NOL4: variants seen among roughly 807,000 people sequenced by gnomAD.
NOL4 encodes the protein cancer/testis antigen 125.
A neutral mutation model predicts 75.9 loss-of-function variants in NOL4; 17 were observed. The ratio of observed to expected loss-of-function variants is 0.22; its 90% confidence interval spans 0.15 to 0.34. NOL4 has a LOEUF of 0.34. Ranked by LOEUF, NOL4 falls within the 10% of genes least tolerant of loss-of-function variation. The pLI is 1.00. For missense variants in NOL4, 614 were observed against 793.5 expected, an observed-to-expected ratio of 0.77 and a Z score of 2.72; for synonymous variants, 292 against 289.9, an observed-to-expected ratio of 1.01 and a Z score of -0.07.
chr18:34,179,570 A>G (rs1350561152), intron 1 of NOL4, among the ~76,000 whole-genome samples: 2 of 151,466 alleles, frequency 1.3e-5, no homozygotes, highest in African/African-American at 4.8e-5. Context: ...ATAAGGTGAT[A>G]CTACAAACAG....
At chr18:34,015,735 T>C (rs1204344853) in intron 6 of NOL4, among the ~76,000 whole-genome samples, 1 of 152,066 alleles carries the variant, frequency 6.6e-6, no homozygotes, top group Non-Finnish European at 1.5e-5. Flanking sequence ...GTCCCCCGAA[T>C]GCCTATTAAA....
At chr18:33,939,018 G>A (rs566583476) in intron 9 of NOL4, among the ~76,000 whole-genome samples, 43 of 152,050 alleles carry the variant, frequency 2.8e-4, no homozygotes, top group Admixed American at 5.9e-4. Flanking sequence ...TCCCAACACC[G>A]TTTATTAAAT....
At chr18:34,060,184 A>C (rs960582038) in intron 5 of NOL4, among the ~76,000 whole-genome samples, 3 of 151,968 alleles carry the variant, frequency 2.0e-5, no homozygotes. Flanking sequence ...GAACAGCTTG[A>C]GAGTGAATCT....
At chr18:34,066,893 C>T (rs1291284528) in intron 5 of NOL4, among the ~76,000 whole-genome samples, 2 of 152,022 alleles carry the variant, frequency 1.3e-5, no homozygotes, top group African/African-American at 4.8e-5. Flanking sequence ...TCTTTAGACT[C>T]GTTGGTAATA....
chr18:34,222,061 T>C (rs1244008165), intron 1 of NOL4: 2 of 1,535,448 alleles, frequency 1.3e-6, no homozygotes, highest in Admixed American at 3.9e-5. Flanking sequence ...AGATCTGCCA[T>C]CCTACTTGTA....
chr18:34,010,544 A>G (rs1194243404), intron 6 of NOL4, among the ~76,000 whole-genome samples: 2 of 151,912 alleles, frequency 1.3e-5, no homozygotes, highest in South Asian at 4.1e-4. Context: ...ACGATTTATA[A>G]CTAACCAGAT....
chr18:33,989,190 C>CAAAAAAAA (rs55924436), intron 6 of NOL4, among the ~76,000 whole-genome samples: 1 of 65,086 alleles, frequency 1.5e-5, no homozygotes, highest in African/African-American at 5.8e-5. Flanking sequence ...CCCATCTCTA[C>CAAAAAAAA]AAAAAAAAAA....
chr18:34,133,832 G>A (rs1023683878), intron 1 of NOL4, among the ~76,000 whole-genome samples: 1 of 152,070 alleles, frequency 6.6e-6, no homozygotes, highest in African/African-American at 2.4e-5. Flanking sequence ...GACCCGCCTG[G>A]CCAATATGGT....
intron 1 of NOL4, among the ~76,000 whole-genome samples, chr18:34,146,219 C>T (rs1360329592): frequency 2.6e-5 from 4 of 151,932 alleles, no homozygotes; most frequent in Non-Finnish European, 4.4e-5. Context: ...TGTTTCTCTG[C>T]TTTGTCATTA....
chr18:34,148,464 G>A (rs1216979775), intron 1 of NOL4, among the ~76,000 whole-genome samples: 2 of 151,844 alleles, frequency 1.3e-5, no homozygotes, highest in African/African-American at 4.8e-5. Flanking sequence ...CCTTAATTTC[G>A]TTATTTACCC....
At chr18:34,075,566 T>C (rs1297233755) in intron 5 of NOL4, among the ~76,000 whole-genome samples, 2 of 152,182 alleles carry the variant, frequency 1.3e-5, no homozygotes, top group Non-Finnish European at 2.9e-5. Context: ...TTGGGTTTCA[T>C]ATTTTTGGAT....
chr18:34,005,694 C>T (rs2073993227), intron 6 of NOL4, among the ~76,000 whole-genome samples: 1 of 152,020 alleles, frequency 6.6e-6, no homozygotes, highest in Non-Finnish European at 1.5e-5. Context: ...TCCTCCTGGC[C>T]AAGGCTCACA....
At chr18:34,098,141 T>C (rs770387355) in intron 4 of NOL4, among the ~76,000 whole-genome samples, 1 of 152,134 alleles carries the variant, frequency 6.6e-6, no homozygotes, top group Non-Finnish European at 1.5e-5. Context: ...CTTACATGCA[T>C]GCTGCTCCTT....
At chr18:33,999,086 T>C (rs187777200) in intron 6 of NOL4, among the ~76,000 whole-genome samples, 50 of 152,144 alleles carry the variant, frequency 3.3e-4, no homozygotes, top group Non-Finnish European at 4.3e-4. Flanking sequence ...GATGTCTAAA[T>C]TCAGAGAAGT....
chr18:34,108,747 G>A (rs1367645734), intron 2 of NOL4, among the ~76,000 whole-genome samples: 1 of 152,140 alleles, frequency 6.6e-6, no homozygotes, highest in Non-Finnish European at 1.5e-5. Flanking sequence ...GTTAACAGCA[G>A]AGAACTTCAA....
intron 10 of NOL4, among the ~76,000 whole-genome samples, chr18:33,861,861 T>A (rs896512467): frequency 5.3e-5 from 8 of 152,070 alleles, no homozygotes; most frequent in African/African-American, 1.9e-4. Context: ...AATTTATAGA[T>A]TCAATGCCAT....
At chr18:34,197,551 T>C (rs996860019) in intron 1 of NOL4, among the ~76,000 whole-genome samples, 6 of 152,028 alleles carry the variant, frequency 3.9e-5, no homozygotes, top group African/African-American at 1.4e-4. Context: ...GTTTATCTCA[T>C]GGGAATTACA....
At chr18:34,032,523 G>A (rs2075689557) in intron 5 of NOL4, among the ~76,000 whole-genome samples, 1 of 152,154 alleles carries the variant, frequency 6.6e-6, no homozygotes. Flanking sequence ...TACCCACCCA[G>A]CTACCACCAC....
At chr18:33,909,948 T>A (rs183503916) in intron 9 of NOL4, among the ~76,000 whole-genome samples, 1 of 152,130 alleles carries the variant, frequency 6.6e-6, no homozygotes, top group Non-Finnish European at 1.5e-5. Context: ...GAGAAAAACA[T>A]GTAAACCGAT....
Sources: gnomAD v4.1 joint callset for allele counts (sites outside exome capture counted in the v4.1 genomes callset) on GRCh38, gnomAD v4.1.1 for gene constraint, MANE v1.5 for transcripts, NCBI Gene and HGNC (gene_info 2026-07-23, HGNC 2026-07-21) for gene names.